Variants in CACHD1 observed in about 807,000 individuals in gnomAD.
CACHD1 encodes VWFA and cache domain-containing protein 1.
A neutral mutation model predicts 138.7 loss-of-function variants in CACHD1; 71 were observed. The observed-to-expected ratio is 0.51, with a 90% CI of 0.42 to 0.62. The LOEUF (loss-of-function observed/expected upper bound fraction) is 0.62, where lower values mean the gene tolerates loss of function less well. CACHD1 is among the 20% of genes least tolerant of loss of function. CACHD1 has a pLI of 0.00. For missense variants in CACHD1, 1,389 were observed against 1,625.3 expected, an observed-to-expected ratio of 0.85 and a Z score of 2.50; for synonymous variants, 578 against 591.5, an observed-to-expected ratio of 0.98 and a Z score of 0.33.
chr1:64,490,152 A>G (rs1013475964), intron 1 of CACHD1, among the ~76,000 whole-genome samples: 14 of 152,120 alleles, frequency 9.2e-5, no homozygotes, highest in Non-Finnish European at 1.6e-4. Context: ...ATTTGGGGAT[A>G]TTTTTGTCTG....
intron 26 of CACHD1, among the ~76,000 whole-genome samples, chr1:64,684,832 A>G (rs1650312732): frequency 6.6e-6 from 1 of 151,922 alleles, no homozygotes. Context: ...GTTTTGAGAC[A>G]GAGTTTTGCT....
chr1:64,569,159 G>C (rs561653412), intron 2 of CACHD1, among the ~76,000 whole-genome samples: 115 of 152,140 alleles, frequency 7.6e-4, no homozygotes, highest in Non-Finnish European at 1.3e-3. Context: ...GACATCAGGT[G>C]ATCCACCCAC....
intron 4 of CACHD1, among the ~76,000 whole-genome samples, chr1:64,606,811 A>G (rs1647355847): frequency 6.6e-6 from 1 of 152,130 alleles, no homozygotes; most frequent in African/African-American, 2.4e-5. Flanking sequence ...GGTCCATTGG[A>G]TGGTGGGCAG....
chr1:64,640,269 C>A (rs1441441966), intron 7 of CACHD1, among the ~76,000 whole-genome samples: 4 of 152,218 alleles, frequency 2.6e-5, no homozygotes, highest in Non-Finnish European at 5.9e-5. Context: ...CTGCCGCAGT[C>A]ACTTTAGAGC....
At chr1:64,611,649 G>A (rs1401331706) in intron 4 of CACHD1, among the ~76,000 whole-genome samples, 1 of 152,180 alleles carries the variant, frequency 6.6e-6, no homozygotes, top group African/African-American at 2.4e-5. Flanking sequence ...GACCACCTCA[G>A]CCTGGACCTC....
At chr1:64,562,005 C>T (rs937234517) in intron 2 of CACHD1, among the ~76,000 whole-genome samples, 26 of 151,964 alleles carry the variant, frequency 1.7e-4, no homozygotes, top group Non-Finnish European at 3.5e-4. Flanking sequence ...GATGATAAAT[C>T]AGTGAAAGTT....
intron 4 of CACHD1, among the ~76,000 whole-genome samples, chr1:64,619,997 G>A (rs540252739): frequency 6.2e-4 from 94 of 152,220 alleles, no homozygotes; most frequent in Middle Eastern, 3.4e-3. Flanking sequence ...TATCTAGAAT[G>A]ATACCTGGTC....
intron 2 of CACHD1, among the ~76,000 whole-genome samples, chr1:64,553,407 C>T (rs1415236846): frequency 1.3e-5 from 2 of 152,162 alleles, no homozygotes. Context: ...CGTATGTTTC[C>T]TATTCTGTAA....
At chr1:64,618,280 G>A (rs1228535270) in intron 4 of CACHD1, among the ~76,000 whole-genome samples, 1 of 152,152 alleles carries the variant, frequency 6.6e-6, no homozygotes, top group Admixed American at 6.5e-5. Flanking sequence ...ACTAAGAAGA[G>A]TGGTCTACAC....
At chr1:64,518,479 A>G (rs1243484926) in intron 1 of CACHD1, among the ~76,000 whole-genome samples, 1 of 152,138 alleles carries the variant, frequency 6.6e-6, no homozygotes, top group East Asian at 1.9e-4. Flanking sequence ...AATCAAGTTA[A>G]TTGGAAATCT....
intron 1 of CACHD1, among the ~76,000 whole-genome samples, chr1:64,520,472 C>T (rs962461230): frequency 6.6e-6 from 1 of 152,152 alleles, no homozygotes; most frequent in Non-Finnish European, 1.5e-5. Flanking sequence ...GCTTAGAACA[C>T]GACCTGCCTA....
intron 26 of CACHD1, among the ~76,000 whole-genome samples, chr1:64,683,916 A>T (rs1366342921): frequency 6.6e-6 from 1 of 152,188 alleles, no homozygotes; most frequent in East Asian, 1.9e-4. Context: ...TAAACAAGGA[A>T]ATCTAATTGT....
At chr1:64,670,975 G>A (rs1649794103) in intron 16 of CACHD1, among the ~76,000 whole-genome samples, 2 of 152,186 alleles carry the variant, frequency 1.3e-5, no homozygotes, top group African/African-American at 4.8e-5. Flanking sequence ...GAGTAGCAGG[G>A]TGGAATGGAG....
intron 3 of CACHD1, among the ~76,000 whole-genome samples, chr1:64,587,460 C>T (rs1647059108): frequency 6.6e-6 from 1 of 152,122 alleles, no homozygotes; most frequent in Admixed American, 6.5e-5. Flanking sequence ...GCAGAAAATT[C>T]ATTTTTCAGA....
At chr1:64,584,806 G>A (rs761186117) in intron 3 of CACHD1, among the ~76,000 whole-genome samples, 2 of 152,140 alleles carry the variant, frequency 1.3e-5, no homozygotes, top group Non-Finnish European at 2.9e-5. Flanking sequence ...GAGTAAGAAG[G>A]TGTCTACTCT....
At chr1:64,482,705 A>G (rs2100277344) in intron 1 of CACHD1, among the ~76,000 whole-genome samples, 1 of 152,334 alleles carries the variant, frequency 6.6e-6, no homozygotes, top group South Asian at 2.1e-4. Flanking sequence ...CTGTGTGCTA[A>G]TTATGAACCA....
intron 1 of CACHD1, among the ~76,000 whole-genome samples, chr1:64,489,065 A>C (rs976444620): frequency 6.6e-6 from 1 of 152,124 alleles, no homozygotes; most frequent in Non-Finnish European, 1.5e-5. Context: ...CCCATGGGTC[A>C]TGTTCCCTGG....
At chr1:64,638,758 G>T (rs1648605783) in intron 7 of CACHD1, among the ~76,000 whole-genome samples, 1 of 152,068 alleles carries the variant, frequency 6.6e-6, no homozygotes, top group African/African-American at 2.4e-5. Flanking sequence ...CTGCATCTCT[G>T]CTCTACCCCA....
At chr1:64,471,058 C>G in intron 1 of CACHD1, 116 bp downstream of exon 1, 1 of 1,040,176 alleles carries the variant, frequency 9.6e-7, no homozygotes, top group East Asian at 2.8e-5. Context: ...ATACATAGAG[C>G]CCGGCTTCCC....
Sources: allele counts gnomAD v4.1 joint callset (sites outside exome capture counted in the v4.1 genomes callset), GRCh38; gene constraint gnomAD v4.1.1; transcripts MANE v1.5; gene names NCBI Gene and HGNC (gene_info 2026-07-23, HGNC 2026-07-21).